The following NRG1 variants were observed in gnomAD, a reference collection of about 807,000 sequenced individuals.
The protein encoded by NRG1 is pro-neuregulin-1, membrane-bound isoform.
NRG1 carries 18 observed loss-of-function variants against 63.8 expected under a neutral mutation model. The observed-to-expected ratio is 0.28, with a 90% CI of 0.19 to 0.42. The LOEUF is 0.42. NRG1 is among the 10% of genes least tolerant of loss of function. The probability of loss-of-function intolerance (pLI) is 1.00; values close to 1 mark genes in which losing one functional copy is unlikely to be tolerated. For missense variants in NRG1, 762 were observed against 814.7 expected (o/e 0.94, Z 0.79); for synonymous variants, 302 against 301.3 (o/e 1.00, Z -0.02).
At chr8:32,058,130 A>G (rs1037384849) in intron 1 of NRG1, among the ~76,000 whole-genome samples, 1 of 152,098 alleles carries the variant, frequency 6.6e-6, no homozygotes, top group African/African-American at 2.4e-5. Flanking sequence ...ACTATTAAGT[A>G]TCAATTTAAA....
chr8:32,196,319 A>C (rs1182550721), intron 1 of NRG1, among the ~76,000 whole-genome samples: 1 of 152,170 alleles, frequency 6.6e-6, no homozygotes, highest in East Asian at 1.9e-4. Context: ...GGTAGAGGAA[A>C]TCATGCAAGT....
chr8:32,302,403 A>T (rs1369696900), intron 1 of NRG1, among the ~76,000 whole-genome samples: 1 of 152,218 alleles, frequency 6.6e-6, no homozygotes, highest in Admixed American at 6.5e-5. Context: ...AAAAGGGAGA[A>T]ATAATAAACG....
chr8:32,074,118 G>A (rs1023809296), intron 1 of NRG1, among the ~76,000 whole-genome samples: 52 of 152,166 alleles, frequency 3.4e-4, no homozygotes, highest in African/African-American at 1.1e-3. Context: ...TTTTTCAAGA[G>A]GTACTATACT....
intron 7 of NRG1, among the ~76,000 whole-genome samples, chr8:32,743,537 G>A (rs1017919957): frequency 3.1e-5 from 4 of 130,182 alleles, no homozygotes; most frequent in East Asian, 2.4e-4. Context: ...ATGTGTGTGC[G>A]TGTATATACA....
chr8:32,244,134 G>C (rs1848393369), intron 1 of NRG1, among the ~76,000 whole-genome samples: 1 of 152,128 alleles, frequency 6.6e-6, no homozygotes, highest in African/African-American at 2.4e-5. Flanking sequence ...ATGTTCAGCA[G>C]ACATGTTGTT....
chr8:32,532,918 G>A (rs1831594189), intron 1 of NRG1, among the ~76,000 whole-genome samples: 1 of 151,792 alleles, frequency 6.6e-6, no homozygotes, highest in South Asian at 2.1e-4. Flanking sequence ...CTAAGGTGTA[G>A]AAAAAACATT....
rs36074483 is a variant in NRG1 at position 31,648,124 on chromosome 8, C to CTTTTT, written c.37+8716_37+8720dup. ...TTCTGTCTTTACAAATTTGACTACT[C>CTTTTT]TTTTTTTTTTTTTTTTTTTTTTTTT... On this transcript the variant is annotated intron_variant, in intron 1 of 10. Transcript: ENST00000519301. 8.4e-4 allele frequency among the ~76,000 whole-genome samples: 43 copies of CTTTTT among 51,308 alleles called. 10 individuals are homozygous for CTTTTT. Among genetic ancestry groups the CTTTTT allele is most frequent in the South Asian group, 2.2e-3 (2 of 910 alleles). 33.7% of individuals were successfully genotyped at this position (51,308 alleles called of 152,430 possible).
chr8:32,749,475 T>G, intron 7 of NRG1: 1 of 1,294,848 alleles, frequency 7.7e-7, no homozygotes, highest in Non-Finnish European at 1.1e-6. Context: ...TAGTCATGTG[T>G]AATGTGTTTT....
intron 1 of NRG1, among the ~76,000 whole-genome samples, chr8:32,515,696 T>C (rs1829754413): frequency 6.6e-6 from 1 of 152,184 alleles, no homozygotes; most frequent in South Asian, 2.1e-4. Context: ...CACCTTAGCC[T>C]CCAGAAGTGT....
chr8:32,377,197 G>A (rs1809739507), intron 1 of NRG1, among the ~76,000 whole-genome samples: 1 of 152,204 alleles, frequency 6.6e-6, no homozygotes, highest in Non-Finnish European at 1.5e-5. Flanking sequence ...AAAGCTTCAA[G>A]AAGTTGAAGG....
chr8:32,162,773 C>T (rs1040262528), intron 1 of NRG1, among the ~76,000 whole-genome samples: 1 of 152,036 alleles, frequency 6.6e-6, no homozygotes, highest in African/African-American at 2.4e-5. Flanking sequence ...CTGCTGTTTT[C>T]TTGTGGATTA....
At chr8:32,644,345 A>G (rs901447096) in intron 5 of NRG1, among the ~76,000 whole-genome samples, 21 of 152,168 alleles carry the variant, frequency 1.4e-4, no homozygotes, top group African/African-American at 2.4e-5. Flanking sequence ...TTTTTCCTAC[A>G]AACATGCATG....
intron 1 of NRG1, among the ~76,000 whole-genome samples, chr8:32,066,862 G>C (rs201546192): frequency 6.6e-5 from 10 of 151,436 alleles, no homozygotes; most frequent in South Asian, 2.1e-4. Flanking sequence ...CTTTTATTTC[G>C]TTGAGCAGTG....
intron 1 of NRG1, among the ~76,000 whole-genome samples, chr8:32,566,208 T>C (rs1447974952): frequency 1.3e-5 from 2 of 151,840 alleles, no homozygotes; most frequent in Non-Finnish European, 2.9e-5. Context: ...AATACAAAAA[T>C]TAGCCGGGCC....
chr8:32,601,302 A>G (rs752510675), intron 2 of NRG1, among the ~76,000 whole-genome samples: 1 of 152,142 alleles, frequency 6.6e-6, no homozygotes, highest in Non-Finnish European at 1.5e-5. Flanking sequence ...TTAAAACAGG[A>G]TTTTGTTGTA....
intron 1 of NRG1, among the ~76,000 whole-genome samples, chr8:31,846,455 G>A (rs1452439569): frequency 1.3e-5 from 2 of 152,104 alleles, no homozygotes; most frequent in Non-Finnish European, 2.9e-5. Flanking sequence ...TGTTGTTCTG[G>A]TCAAGGTTTA....
chr8:31,788,649 G>A (rs1820405796), intron 1 of NRG1, among the ~76,000 whole-genome samples: 1 of 152,128 alleles, frequency 6.6e-6, no homozygotes, highest in Non-Finnish European at 1.5e-5. Context: ...GTGATTTGTT[G>A]TTGTTGAGCA....
At chr8:32,611,004 A>G (rs1218048107) in intron 3 of NRG1, among the ~76,000 whole-genome samples, 1 of 152,154 alleles carries the variant, frequency 6.6e-6, no homozygotes, top group Non-Finnish European at 1.5e-5. Context: ...CTTAGCAATT[A>G]ATTCTTAGCT....
intron 5 of NRG1, among the ~76,000 whole-genome samples, chr8:32,672,635 A>G (rs1487920362): frequency 1.3e-5 from 2 of 152,232 alleles, no homozygotes; most frequent in African/African-American, 4.8e-5. Context: ...AGGTACACAG[A>G]TGATGACATG....
Sources: gnomAD v4.1 joint callset for allele counts (sites outside exome capture counted in the v4.1 genomes callset) on GRCh38, gnomAD v4.1.1 for gene constraint, MANE v1.5 for transcripts, NCBI Gene and HGNC (gene_info 2026-07-23, HGNC 2026-07-21) for gene names.